The following EPHX2 variants were observed in gnomAD, a reference collection of about 807,000 sequenced individuals.
EPHX2 encodes the protein epoxide hydrolase 2.
Under a neutral mutation model 78.7 loss-of-function variants are expected in EPHX2, and 74 were observed. The ratio of observed to expected loss-of-function variants is 0.94; its 90% CI spans 0.78 to 1.14. The LOEUF is 1.14. EPHX2 is among the 50% of genes most tolerant of loss of function. The pLI is 0.00. For synonymous variants in EPHX2, 251 were observed against 255.2 expected (o/e 0.98, Z 0.16); for missense variants, 715 against 702.5 (o/e 1.02, Z -0.20).
chr8:27,499,058 A>G (rs1396283486), intron 1 of EPHX2, among the ~76,000 whole-genome samples: 5 of 152,170 alleles, frequency 3.3e-5, no homozygotes, highest in African/African-American at 1.2e-4. Context: ...AGCACAGGGC[A>G]TCATATGGTG....
intron 11 of EPHX2, among the ~76,000 whole-genome samples, chr8:27,525,107 T>TGTGTGTGCGCGC (rs1491544464): frequency 1.1e-4 from 11 of 103,456 alleles, no homozygotes; most frequent in Admixed American, 1.8e-4. Context: ...TGTGTGTGTG[T>TGTGTGTGCGCGC]GCGCGCGCGC....
chr8:27,492,447 T>C (rs1401011190), intron 1 of EPHX2, among the ~76,000 whole-genome samples: 1 of 152,182 alleles, frequency 6.6e-6, no homozygotes, highest in Non-Finnish European at 1.5e-5. Context: ...AGTTGGAGGC[T>C]ATAGTTGTGT....
chr8:27,538,676 TAA>T lies in EPHX2; in HGVS notation c.1262_1263del (p.Lys421SerfsTer3), dbSNP rs1439867522. 6.8e-6 allele frequency: 11 copies of T among 1,613,894 alleles called. No individual in the cohort carries two copies. The highest frequency in any genetic ancestry group is 8.5e-6 in the Non-Finnish European group (10 of 1,179,868). ...ASDESVLSMHKVCEAGGLFVN... is the reference protein window; with the variant it reads ...ASDESVLSMHXVCEAGGLFVN... ...TCCTTCAGAGTGTTTTATCCATGCATAAAGTCTGTGAAGCGGGTAAGAGACAT... is the reference window on the plus strand; with the variant it reads ...TCCTTCAGAGTGTTTTATCCATGCATAGTCTGTGAAGCGGGTAAGAGACAT... On this transcript the variant is annotated frameshift_variant, in exon 14 of 19. Transcript: ENST00000521400. LOFTEE classifies it high-confidence loss of function.
At chr8:27,495,555 C>T (rs371498251) in intron 1 of EPHX2, among the ~76,000 whole-genome samples, 11 of 152,264 alleles carry the variant, frequency 7.2e-5, no homozygotes, top group East Asian at 1.9e-4. Context: ...CACACACAAG[C>T]GCCTGGTATC....
Position 27,533,424 on chromosome 8 carries a change from T to C in EPHX2, c.1171-3360T>C, listed in dbSNP as rs1585217855. 2.6e-5 allele frequency among the ~76,000 whole-genome samples: 4 copies of C among 152,326 alleles called. 1 individual carries two copies. In the South Asian group the frequency reaches 8.3e-4, roughly 32 times the overall value. The stretch of plus-strand genomic sequence containing the variant: ...CATTGGTCTGTAGGATTTAAAGATA[T>C]AGTCTTATCTTTTGTAGATGAAAGA... On this transcript the variant is annotated intron_variant, in intron 12 of 18. Transcript: ENST00000521400.
In EPHX2 at chr8:27,503,727, C is replaced by T. The variant is rs777655940; in HGVS notation, c.310C>T (p.Pro104Ser). 6.8e-6 allele frequency: 11 copies of T among 1,613,380 alleles called. No individual in the cohort carries two copies. Among genetic ancestry groups the T allele is most frequent in the Non-Finnish European group, 8.5e-6 (10 of 1,179,974 alleles). Residue 104 changes from proline to serine, a missense_variant, in exon 3 of 19, where the codon CCC (proline) becomes TCC (serine). Transcript: ENST00000521400. ...KAISARKINR[P>S]MLQAALMLRK... ...GATTTCAGCCAGAAAGATCAACCGC[C>T]CCATGCTCCAGGCAGCTCTCATGCT...
chr8:27,542,984 C>A (rs372525109), intron 16 of EPHX2, among the ~76,000 whole-genome samples: 12 of 150,544 alleles, frequency 8.0e-5, no homozygotes, highest in East Asian at 3.9e-4. Context: ...TCTCCTCCCC[C>A]ACCTCCTCCC....
chr8:27,523,553 C>G (rs569549613), intron 11 of EPHX2, among the ~76,000 whole-genome samples: 1 of 152,178 alleles, frequency 6.6e-6, no homozygotes, highest in African/African-American at 2.4e-5. Flanking sequence ...TTGTATTTGG[C>G]TAAGTTTATG....
intron 2 of EPHX2, among the ~76,000 whole-genome samples, 167 bp from the exon 3 acceptor site, chr8:27,503,437 C>T (rs780484142): frequency 6.6e-6 from 1 of 152,050 alleles, no homozygotes; most frequent in Non-Finnish European, 1.5e-5. Context: ...TAGCTATGAA[C>T]ATTTTTGGCC....
At chr8:27,502,598 T>G (rs1048084068) in intron 2 of EPHX2, among the ~76,000 whole-genome samples, 10 of 152,142 alleles carry the variant, frequency 6.6e-5, no homozygotes, top group African/African-American at 2.4e-4. Context: ...TGGTGAGGGC[T>G]CTCTTCTTGG....
In EPHX2 at chr8:27,505,094, A is replaced by C. The variant is rs760157983; in HGVS notation, c.485A>C (p.Glu162Ala). 46 of 1,614,060 alleles carry C rather than the reference A, an allele frequency of 2.8e-5. 1 individual carries two copies. In the South Asian group the frequency reaches 5.1e-4, roughly 18 times the overall value. ...TGTCAGGTGGGAATGGTCAAACCTG[A>C]ACCTCAGATCTACAAGTTTCTGCTG... ...ESCQVGMVKP[E>A]PQIYKFLLDT... Residue 162 changes from glutamate to alanine, a missense_variant, in exon 4 of 19, where the codon GAA (glutamate) becomes GCA (alanine). Physicochemically the swap from Glu to Ala is moderately radical, Grantham distance 107. Transcript: ENST00000521400.
At chr8:27,505,962 CTT>C (rs1200099781) in intron 4 of EPHX2, among the ~76,000 whole-genome samples, 1 of 152,114 alleles carries the variant, frequency 6.6e-6, no homozygotes, top group African/African-American at 2.4e-5. Flanking sequence ...TTTTTCTTCT[CTT>C]TTTATTTATT....
At chr8:27,497,645 C>T (rs377595773) in intron 1 of EPHX2, among the ~76,000 whole-genome samples, 1 of 152,156 alleles carries the variant, frequency 6.6e-6, no homozygotes, top group East Asian at 1.9e-4. Context: ...GGGTAATAAA[C>T]TTATCTTTTA....
At chr8:27,540,463 A>T in intron 14 of EPHX2, 91 bp from the exon 15 acceptor site, 1 of 1,104,288 alleles carries the variant, frequency 9.1e-7, no homozygotes, top group Non-Finnish European at 1.4e-6. Context: ...GCGCAAGTTC[A>T]GATGGTCTGC....
intron 14 of EPHX2, among the ~76,000 whole-genome samples, chr8:27,539,708 A>G (rs753515534): frequency 6.6e-6 from 1 of 152,224 alleles, no homozygotes; most frequent in Non-Finnish European, 1.5e-5. Flanking sequence ...CCACAGTCTC[A>G]CGGGAGGCAG....
Position 27,543,818 on chromosome 8 carries a change from A to G in EPHX2, c.1519A>G (p.Met507Val), listed in dbSNP as rs751385070. ...FVLVPQMSQHMEDWIPHLKRG... is the reference protein window; with the variant it reads ...FVLVPQMSQHVEDWIPHLKRG... ...GCTCGTTCCTCAGATGTCCCAGCAC[A>G]TGGAGGACTGGGTGAGGGAATGGCC... is the stretch of plus-strand genomic sequence containing the variant. The change falls in exon 17 of 19, where the codon ATG becomes GTG. Residue 507 changes from methionine (M) to valine (V), a missense_variant. Transcript: ENST00000521400. The G allele has an allele frequency of 1.9e-6, 3 of 1,614,112 alleles. No homozygotes were observed. The highest frequency in any genetic ancestry group is 1.7e-5 in the Admixed American group (1 of 60,022).
At chr8:27,531,939 C>T (rs78875955) in intron 12 of EPHX2, among the ~76,000 whole-genome samples, 6,112 of 152,190 alleles carry the variant, frequency 0.04, 176 homozygotes, top group Non-Finnish European at 0.063. Context: ...CTGACAGTGC[C>T]GCCCCTACCA....
intron 16 of EPHX2, 29 bp from the exon 17 acceptor site, chr8:27,543,720 G>A (rs544711984): frequency 2.5e-6 from 4 of 1,612,262 alleles, no homozygotes; most frequent in South Asian, 2.2e-5. Flanking sequence ...TGGAGTGCTG[G>A]CCACTTCTGT....
intron 6 of EPHX2, 146 bp downstream of exon 6, chr8:27,512,056 C>A: frequency 2.9e-6 from 2 of 685,664 alleles, no homozygotes; most frequent in Admixed American, 2.3e-5. Context: ...TGTGATCACA[C>A]CACTGTGCTC....
Sources: gnomAD v4.1 joint callset for allele counts (sites outside exome capture counted in the v4.1 genomes callset) on GRCh38, gnomAD v4.1.1 for gene constraint, MANE v1.5 for transcripts, NCBI Gene and HGNC (gene_info 2026-07-23, HGNC 2026-07-21) for gene names.